NAV1: variants seen among roughly 807,000 people sequenced by gnomAD.
NAV1 encodes the protein neuron navigator 1, also known as pore membrane and/or filament interacting like protein 3.
A neutral mutation model predicts 175.2 loss-of-function variants in NAV1; 18 were observed. The observed-to-expected ratio is 0.10, with a 90% confidence interval of 0.07 to 0.15. NAV1 has a LOEUF of 0.15. NAV1 is among the 10% of genes least tolerant of loss of function. The pLI is 1.00. For missense variants in NAV1, 1,731 were observed against 2,436.6 expected (o/e 0.71, Z 6.10); for synonymous variants, 897 against 978.7 (o/e 0.92, Z 1.56).
At chr1:201,639,756 T>C (rs1029901857) in intron 2 of NAV1, among the ~76,000 whole-genome samples, 1 of 152,156 alleles carries the variant, frequency 6.6e-6, no homozygotes, top group African/African-American at 2.4e-5. Flanking sequence ...ACCCTGCCTC[T>C]GAAGGGAGAG....
chr1:201,642,170 T>G lies in NAV1; in HGVS notation c.5-6464T>G, dbSNP rs113656172. Among the ~76,000 whole-genome samples the G allele has an allele frequency of 7.6e-4, 92 of 120,646 alleles. 1 individual carries two copies. The highest frequency in any genetic ancestry group is 3.7e-3 in the African/African-American group (87 of 23,736). The allele number at this position is 120,646 out of a possible 152,430, so 79.1% of individuals were successfully genotyped here. On this transcript the variant is annotated intron_variant, in intron 2 of 29. Transcript: ENST00000367302. The stretch of plus-strand genomic sequence containing the variant: ...TCTTTTTCTTTCTCTCTCCCCTCCC[T>G]TCCTTCCTTCCTTCCTTCCCTCCTT...
At position 201,649,577 on chromosome 1, in the gene NAV1, G is replaced by A. The variant is rs966226984; in HGVS notation, c.757+152G>A. 4 of 1,313,564 alleles carry A rather than the reference G, an allele frequency of 3.0e-6. No homozygotes were observed. The South Asian group carries it at 4.8e-5, about 16-fold the overall frequency. The allele number at this position is 1,313,564 out of a possible 1,614,324, so 81.4% of individuals were successfully genotyped here. ...GCTGTGATGGGCATTGCGCCCAGAT[G>A]TGCTGAGCTGGCCCACCTCCAGATG... On this transcript the variant is annotated intron_variant, in intron 1 of 29. Coordinates refer to ENST00000367296, the Ensembl canonical transcript of NAV1.
intron 2 of NAV1, among the ~76,000 whole-genome samples, chr1:201,606,762 GAC>G (rs1257838700): frequency 3.3e-5 from 5 of 152,206 alleles, no homozygotes; most frequent in Admixed American, 3.3e-4. Context: ...TACTTGGCCT[GAC>G]TGTTCAAGGC....
chr1:201,812,317 G>A lies in NAV1; in HGVS notation c.5025-148G>A. Reference sequence around the variant, plus strand: ...TCTACCACCCCAGGGCTGCTGCTCTGAGTTCCGATGTCCCCACTATTACTT... The same window carrying A: ...TCTACCACCCCAGGGCTGCTGCTCTAAGTTCCGATGTCCCCACTATTACTT... On this transcript the variant is annotated intron_variant, in intron 26 of 29. Coordinates refer to ENST00000367296, the Ensembl canonical transcript of NAV1. The surrounding 1 kb of genome is among the most constrained non-coding windows in gnomAD (Gnocchi z 4.6). 1 of 768,096 alleles carries A rather than the reference G, an allele frequency of 1.3e-6. No individual in the cohort carries two copies. Among genetic ancestry groups the A allele is most frequent in the Non-Finnish European group, 2.1e-6 (1 of 479,306 alleles). The allele number at this position is 768,096 out of a possible 1,614,324, so 47.6% of individuals were successfully genotyped here.
intron 2 of NAV1, among the ~76,000 whole-genome samples, chr1:201,642,167 C>CCTTCCTT (rs1668780257): frequency 9.4e-5 from 11 of 116,498 alleles, no homozygotes; most frequent in African/African-American, 4.0e-4. Flanking sequence ...TCTCTCCCCT[C>CCTTCCTT]CCTTCCTTCC....
chr1:201,651,074 T>C (rs79639391), intron 1 of NAV1, among the ~76,000 whole-genome samples: 1,673 of 145,378 alleles, frequency 0.012, 25 homozygotes, highest in African/African-American at 0.04. Flanking sequence ...GCCCATGTGA[T>C]AGAGAGCCCT....
chr1:201,605,129 C>CTTTTTT (rs572596717), intron 2 of NAV1, among the ~76,000 whole-genome samples: 1 of 139,852 alleles, frequency 7.2e-6, no homozygotes. Flanking sequence ...CTGGCTTCTG[C>CTTTTTT]TTTTTTTTTT....
At chr1:201,585,132 T>C (rs1035379017) in intron 1 of NAV1, among the ~76,000 whole-genome samples, 5 of 152,302 alleles carry the variant, frequency 3.3e-5, no homozygotes, top group East Asian at 1.9e-4. Flanking sequence ...GGGCAGGTCA[T>C]TGGGCCCTCA....
In NAV1 at chr1:201,648,609, C is replaced by G. The variant is rs958532650; in HGVS notation, c.-60C>G. The stretch of plus-strand genomic sequence containing the variant: ...CCTCCTCCTCCTGCGCTCCCGCCCC[C>G]TGCCCCCTCCCCCCGTGCCTGCAGA... On this transcript the variant is annotated 5_prime_UTR_variant, in exon 1 of 30. Coordinates refer to ENST00000367296, the Ensembl canonical transcript of NAV1. The G allele has an allele frequency of 1.6e-5, 21 of 1,286,796 alleles. No individual in the cohort carries two copies. In the African/African-American group the frequency reaches 3.1e-4, roughly 19 times the overall value. The allele number at this position is 1,286,796 out of a possible 1,614,324, so 79.7% of individuals were successfully genotyped here. A position where few individuals can be genotyped will look rare whatever the true frequency, so the allele number is the denominator to read the frequency against.
intron 2 of NAV1, among the ~76,000 whole-genome samples, chr1:201,642,426 C>T (rs139150636): frequency 0.02 from 2,914 of 147,990 alleles, 98 homozygotes; most frequent in African/African-American, 0.067. Flanking sequence ...GGGGTTTCAC[C>T]GTGTTAGCCA....
intron 2 of NAV1, among the ~76,000 whole-genome samples, chr1:201,640,200 T>C (rs1033830598): frequency 1.3e-5 from 2 of 152,028 alleles, no homozygotes; most frequent in African/African-American, 4.8e-5. Flanking sequence ...AGAGGAAAAA[T>C]CCCCAACCAC....
chr1:201,570,907 G>T (rs765627184), intron 1 of NAV1, among the ~76,000 whole-genome samples: 1 of 152,216 alleles, frequency 6.6e-6, no homozygotes, highest in Non-Finnish European at 1.5e-5. Context: ...CTGCTCTGCC[G>T]CTGACCCTGG....
chr1:201,736,320 C>T (rs1673111218), intron 3 of NAV1, among the ~76,000 whole-genome samples: 1 of 152,154 alleles, frequency 6.6e-6, no homozygotes, highest in Non-Finnish European at 1.5e-5. Context: ...AGACAGGTGA[C>T]CCTGGAACCC....
At chr1:201,583,801 G>A (rs1192919112) in intron 1 of NAV1, among the ~76,000 whole-genome samples, 1 of 152,188 alleles carries the variant, frequency 6.6e-6, no homozygotes, top group East Asian at 1.9e-4. Flanking sequence ...CAAGCCTCAA[G>A]ATAAAGCATG....
intron 10 of NAV1, 56 bp from the exon 15 acceptor site, chr1:201,789,684 A>C: frequency 6.5e-7 from 1 of 1,543,578 alleles, no homozygotes; most frequent in Non-Finnish European, 9.0e-7. Context: ...AGTCTTCCAA[A>C]AACCCCTTGT....
intron 2 of NAV1, among the ~76,000 whole-genome samples, chr1:201,599,210 A>C (rs1199773454): frequency 6.6e-6 from 1 of 152,192 alleles, no homozygotes; most frequent in Non-Finnish European, 1.5e-5. Flanking sequence ...GGATCACGTG[A>C]TTCAAGGTTC....
intron 2 of NAV1, among the ~76,000 whole-genome samples, chr1:201,714,711 G>A (rs895554995): frequency 1.4e-4 from 22 of 152,134 alleles, no homozygotes; most frequent in African/African-American, 4.8e-4. Flanking sequence ...GAAATTGTTG[G>A]AACATCTCTC....
rs554836956 is a variant in NAV1, at chr1:201,754,723, C to A, written c.1227-25698C>A. On this transcript the variant is annotated intron_variant, in intron 3 of 29. Coordinates refer to ENST00000367296, the Ensembl canonical transcript of NAV1. The stretch of plus-strand genomic sequence containing the variant: ...TATCTCCTGCTCTATCTGCTTTTAC[C>A]TTTTTAATCCTATGATCTATGCTAG... Among the ~76,000 whole-genome samples the A allele has an allele frequency of 6.6e-4, 101 of 152,236 alleles. 1 individual carries two copies. The highest frequency in any genetic ancestry group is 9.7e-4 in the Non-Finnish European group (66 of 68,004).
At chr1:201,771,709 A>T (rs2102675051) in intron 3 of NAV1, among the ~76,000 whole-genome samples, 1 of 152,338 alleles carries the variant, frequency 6.6e-6, no homozygotes, top group African/African-American at 2.4e-5. Flanking sequence ...GAAGCAGAAA[A>T]AATAAGACTG....
Sources: allele counts gnomAD v4.1 joint callset (sites outside exome capture counted in the v4.1 genomes callset), GRCh38; gene constraint gnomAD v4.1.1; non-coding constraint Gnocchi (gnomAD v3.1); transcripts MANE v1.5; gene names NCBI Gene and HGNC (gene_info 2026-07-23, HGNC 2026-07-21).